Variants in PAPPA2 observed in about 807,000 individuals in gnomAD.
The protein encoded by PAPPA2 is pappalysin 2.
Under a neutral mutation model 176.4 loss-of-function variants are expected in PAPPA2, and 86 were observed. That is an observed-to-expected ratio of 0.49 (90% CI 0.41 to 0.58). The LOEUF (loss-of-function observed/expected upper bound fraction) is 0.58. Among genes scored for constraint, PAPPA2 ranks in the 20% least tolerant of loss-of-function variants. The pLI, the probability that PAPPA2 is intolerant of heterozygous loss-of-function variation, is 0.00. For missense variants in PAPPA2, 2,073 were observed against 2,256.9 expected (o/e 0.92, Z 1.65); for synonymous variants, 809 against 852.2 (o/e 0.95, Z 0.88).
intron 4 of PAPPA2, among the ~76,000 whole-genome samples, chr1:176,676,402 G>T (rs1184438611): frequency 6.6e-6 from 1 of 151,622 alleles, no homozygotes; most frequent in East Asian, 1.9e-4. Context: ...ACTACTCAAC[G>T]AAGTATTAAT....
chr1:176,669,858 C>T (rs543608226), intron 3 of PAPPA2, among the ~76,000 whole-genome samples: 2 of 152,272 alleles, frequency 1.3e-5, no homozygotes, highest in East Asian at 3.9e-4. Context: ...AAGGGTCATG[C>T]TGTCCTAACA....
chr1:176,680,953 T>C (rs928330083), intron 4 of PAPPA2, among the ~76,000 whole-genome samples: 3 of 152,202 alleles, frequency 2.0e-5, no homozygotes, highest in Admixed American at 2.0e-4. Flanking sequence ...TCTGTTTGAT[T>C]GACTGAGTGG....
chr1:176,597,794 C>T (rs1448566604), intron 3 of PAPPA2, among the ~76,000 whole-genome samples: 1 of 152,148 alleles, frequency 6.6e-6, no homozygotes, highest in African/African-American at 2.4e-5. Context: ...CACTTAGGAT[C>T]CCCCAGATAA....
chr1:176,594,475 CT>C, intron 2 of PAPPA2, 48 bp from the exon 3 acceptor site: 1 of 1,486,178 alleles, frequency 6.7e-7, no homozygotes, highest in Non-Finnish European at 9.2e-7. Context: ...CTCCATTCCC[CT>C]TTGTATCTGG....
intron 3 of PAPPA2, among the ~76,000 whole-genome samples, chr1:176,668,450 C>A (rs1658790755): frequency 6.6e-6 from 1 of 152,186 alleles, no homozygotes; most frequent in Non-Finnish European, 1.5e-5. Flanking sequence ...GCAAGTCTAT[C>A]TCTTAATCAT....
chr1:176,577,269 C>A (rs1652705137), intron 2 of PAPPA2, among the ~76,000 whole-genome samples: 1 of 152,176 alleles, frequency 6.6e-6, no homozygotes, highest in Non-Finnish European at 1.5e-5. Context: ...ATCACAAGAG[C>A]AAGCCCCATG....
chr1:176,653,771 C>T (rs943295618), intron 3 of PAPPA2, among the ~76,000 whole-genome samples: 2 of 151,626 alleles, frequency 1.3e-5, no homozygotes, highest in African/African-American at 4.8e-5. Context: ...GTCTCTATTG[C>T]TCTTTTGGAA....
At chr1:176,797,497 A>G (rs185131327) in intron 20 of PAPPA2, among the ~76,000 whole-genome samples, 1 of 152,080 alleles carries the variant, frequency 6.6e-6, no homozygotes, top group African/African-American at 2.4e-5. Context: ...AAAATTTTTT[A>G]AAATTAGCCT....
At chr1:176,496,444 G>A (rs1281509669) in intron 1 of PAPPA2, among the ~76,000 whole-genome samples, 1 of 152,180 alleles carries the variant, frequency 6.6e-6, no homozygotes, top group African/African-American at 2.4e-5. Flanking sequence ...CCTGGTCTCA[G>A]AAGTTACCTG....
intron 1 of PAPPA2, among the ~76,000 whole-genome samples, chr1:176,534,127 A>G (rs112952887): frequency 1.8e-4 from 28 of 152,334 alleles, no homozygotes; most frequent in South Asian, 4.1e-4. Flanking sequence ...ACAAAGGGCT[A>G]TTATTGGATA....
At chr1:176,760,816 TG>T (rs1445603350) in intron 14 of PAPPA2, among the ~76,000 whole-genome samples, 1 of 152,076 alleles carries the variant, frequency 6.6e-6, no homozygotes, top group African/African-American at 2.4e-5. Context: ...TTTTTGTTTT[TG>T]TTTTTTTTGT....
At chr1:176,769,086 G>A (rs533385857) in intron 15 of PAPPA2, among the ~76,000 whole-genome samples, 1 of 152,352 alleles carries the variant, frequency 6.6e-6, no homozygotes, top group East Asian at 1.9e-4. Flanking sequence ...TACCTTAGGA[G>A]TGCAGAATCA....
chr1:176,743,085 A>G (rs894282707), intron 14 of PAPPA2, among the ~76,000 whole-genome samples: 29 of 152,170 alleles, frequency 1.9e-4, no homozygotes, highest in African/African-American at 6.8e-4. Flanking sequence ...CTTAGCTACT[A>G]ACAACACAGA....
rs1199479760 is a variant in PAPPA2 at position 176,725,240 on chromosome 1, AT to A, written c.3798+13260del. On this transcript the variant is annotated intron_variant, in intron 12 of 22. Coordinates refer to ENST00000367662, the MANE Select transcript of PAPPA2 (RefSeq NM_020318.3). ...TTAAAGTTTTTTTAACCATTCAAAA[AT>A]GCAAAAACTCTTCTTAGCTCACAGG... 3.9e-5 allele frequency among the ~76,000 whole-genome samples: 6 copies of A among 152,350 alleles called. No homozygotes were observed. In the South Asian group the frequency reaches 1.2e-3, roughly 32 times the overall value.
At chr1:176,780,302 A>G (rs1369848407) in intron 17 of PAPPA2, among the ~76,000 whole-genome samples, 1 of 141,766 alleles carries the variant, frequency 7.1e-6, no homozygotes, top group African/African-American at 2.8e-5. Flanking sequence ...TGAAGATGCA[A>G]AAGTTCTTAC....
chr1:176,818,361 T>C (rs754100547), intron 21 of PAPPA2, among the ~76,000 whole-genome samples: 1 of 152,170 alleles, frequency 6.6e-6, no homozygotes, highest in Admixed American at 6.5e-5. Context: ...ACAAAGTTTA[T>C]AGAGTAGCAG....
At chr1:176,573,005 A>G (rs554925676) in intron 2 of PAPPA2, among the ~76,000 whole-genome samples, 3 of 152,210 alleles carry the variant, frequency 2.0e-5, no homozygotes, top group Admixed American at 2.0e-4. Flanking sequence ...CTGAGAAGAG[A>G]AACATCCGGG....
chr1:176,680,493 T>C (rs942487413), intron 4 of PAPPA2, among the ~76,000 whole-genome samples: 2 of 152,234 alleles, frequency 1.3e-5, no homozygotes, highest in African/African-American at 4.8e-5. Context: ...TTTTGAGATA[T>C]TATACATTCA....
intron 3 of PAPPA2, among the ~76,000 whole-genome samples, chr1:176,603,724 C>A (rs952233413): frequency 3.3e-5 from 5 of 152,174 alleles, no homozygotes; most frequent in Non-Finnish European, 5.9e-5. Flanking sequence ...TTCTCATCCC[C>A]CTATAGCCAC....
Sources: allele counts gnomAD v4.1 joint callset (sites outside exome capture counted in the v4.1 genomes callset), GRCh38; gene constraint gnomAD v4.1.1; transcripts MANE v1.5; gene names NCBI Gene and HGNC (gene_info 2026-07-23, HGNC 2026-07-21).